Variants in RANBP17 observed in about 807,000 individuals in gnomAD.
RANBP17 encodes RAN binding protein 17.
Under a neutral mutation model 141.2 loss-of-function variants are expected in RANBP17, and 158 were observed. That is an observed-to-expected ratio of 1.12 (90% CI 0.98 to 1.28). The LOEUF is 1.28. Among genes scored for constraint, RANBP17 ranks in the 50% most tolerant of loss-of-function variants. The pLI is 0.00. For missense variants in RANBP17, 1,438 were observed against 1,290.7 expected (o/e 1.11, Z -1.75); for synonymous variants, 430 against 450.0 (o/e 0.96, Z 0.56).
chr5:171,275,990 G>A (rs936222900), intron 25 of RANBP17, among the ~76,000 whole-genome samples: 11 of 152,160 alleles, frequency 7.2e-5, no homozygotes, highest in African/African-American at 2.7e-4. Context: ...CCTTTAGGCC[G>A]GCACCAGAAA....
At chr5:171,115,206 T>A (rs985296759) in intron 14 of RANBP17, among the ~76,000 whole-genome samples, 1 of 152,202 alleles carries the variant, frequency 6.6e-6, no homozygotes, top group Non-Finnish European at 1.5e-5. Flanking sequence ...AATAGCATCT[T>A]TTTTGTTCTT....
intron 25 of RANBP17, among the ~76,000 whole-genome samples, chr5:171,267,914 T>G (rs1766834937): frequency 6.6e-6 from 1 of 152,242 alleles, no homozygotes; most frequent in African/African-American, 2.4e-5. Context: ...TGCTAATATT[T>G]AAATGAAATT....
At chr5:170,887,614 C>T (rs531012638) in intron 3 of RANBP17, among the ~76,000 whole-genome samples, 238 of 152,168 alleles carry the variant, frequency 1.6e-3, no homozygotes, top group Middle Eastern at 3.4e-3. Flanking sequence ...GATCAATTGA[C>T]TGTATTTATA....
chr5:171,114,180 A>T (rs1260428813), intron 14 of RANBP17, among the ~76,000 whole-genome samples: 1 of 152,136 alleles, frequency 6.6e-6, no homozygotes, highest in Non-Finnish European at 1.5e-5. Context: ...CATGTACAAA[A>T]AGTTTGAGAA....
intron 14 of RANBP17, among the ~76,000 whole-genome samples, chr5:171,036,021 T>C (rs903481585): frequency 6.6e-6 from 1 of 152,146 alleles, no homozygotes; most frequent in African/African-American, 2.4e-5. Context: ...GCCTCCCAAG[T>C]AGCTGGGACT....
At chr5:171,255,657 A>G (rs534861161) in intron 24 of RANBP17, among the ~76,000 whole-genome samples, 1 of 152,318 alleles carries the variant, frequency 6.6e-6, no homozygotes, top group South Asian at 2.1e-4. Flanking sequence ...AAAATTCAAT[A>G]TACTTTTAAA....
intron 14 of RANBP17, among the ~76,000 whole-genome samples, chr5:171,104,996 A>G (rs971097696): frequency 5.9e-5 from 9 of 152,208 alleles, no homozygotes; most frequent in African/African-American, 1.7e-4. Flanking sequence ...GGCCTTTATT[A>G]CATATTGTAC....
chr5:171,176,654 G>A (rs1260545768), intron 16 of RANBP17, among the ~76,000 whole-genome samples: 1 of 151,924 alleles, frequency 6.6e-6, no homozygotes, highest in African/African-American at 2.4e-5. Context: ...AATTACATAC[G>A]AATTTTCTGA....
intron 12 of RANBP17, among the ~76,000 whole-genome samples, chr5:170,928,980 T>C (rs1773136150): frequency 1.3e-5 from 2 of 152,110 alleles, no homozygotes; most frequent in Non-Finnish European, 2.9e-5. Context: ...TTGTTTTCAG[T>C]GTACAGTTAG....
At chr5:171,038,590 A>G (rs1407618385) in intron 14 of RANBP17, among the ~76,000 whole-genome samples, 1 of 152,130 alleles carries the variant, frequency 6.6e-6, no homozygotes, top group Non-Finnish European at 1.5e-5. Flanking sequence ...GGTTTGTCAT[A>G]GATGGCTTTT....
intron 14 of RANBP17, among the ~76,000 whole-genome samples, chr5:170,996,105 A>G (rs1265076222): frequency 1.3e-5 from 2 of 152,126 alleles, no homozygotes; most frequent in East Asian, 3.9e-4. Context: ...TAGCCCCTCA[A>G]ATAATTTTAT....
At chr5:171,155,256 G>T (rs1380095097) in intron 14 of RANBP17, among the ~76,000 whole-genome samples, 1 of 151,378 alleles carries the variant, frequency 6.6e-6, no homozygotes, top group Non-Finnish European at 1.5e-5. Context: ...CAGCCAAAAA[G>T]AGGATAATCC....
intron 18 of RANBP17, among the ~76,000 whole-genome samples, chr5:171,185,591 A>G (rs1761181269): frequency 2.0e-5 from 3 of 152,226 alleles, no homozygotes; most frequent in Admixed American, 1.3e-4. Context: ...TTGGTCATCC[A>G]GAAGAAGCAA....
intron 14 of RANBP17, among the ~76,000 whole-genome samples, chr5:171,051,908 C>T (rs188653518): frequency 6.8e-4 from 103 of 152,084 alleles, no homozygotes; most frequent in African/African-American, 2.3e-3. Context: ...TTTTTAGGGT[C>T]GCTTTCTTGT....
At chr5:171,220,946 G>T (rs189942518) in intron 21 of RANBP17, among the ~76,000 whole-genome samples, 35 of 152,088 alleles carry the variant, frequency 2.3e-4, no homozygotes, top group Non-Finnish European at 4.4e-4. Flanking sequence ...TAATACTAAA[G>T]CATTTTTAAA....
intron 12 of RANBP17, among the ~76,000 whole-genome samples, chr5:170,934,664 C>T (rs559711088): frequency 7.4e-4 from 113 of 152,302 alleles, no homozygotes; most frequent in African/African-American, 2.5e-3. Context: ...GAGTTTCTGC[C>T]GAGAGATCTG....
chr5:171,248,158 A>G (rs531991255), intron 24 of RANBP17, among the ~76,000 whole-genome samples: 1 of 152,304 alleles, frequency 6.6e-6, no homozygotes, highest in South Asian at 2.1e-4. Context: ...CGAGGTCAGG[A>G]GATTGAGACC....
chr5:170,998,457 T>C (rs1162957789), intron 14 of RANBP17, among the ~76,000 whole-genome samples: 2 of 152,218 alleles, frequency 1.3e-5, no homozygotes, highest in African/African-American at 4.8e-5. Context: ...ATGATTGTGG[T>C]TAGACTCTAC....
intron 18 of RANBP17, among the ~76,000 whole-genome samples, chr5:171,198,696 T>G (rs1762122076): frequency 6.6e-6 from 1 of 152,224 alleles, no homozygotes; most frequent in Non-Finnish European, 1.5e-5. Flanking sequence ...GACCAAACTT[T>G]GAGGACCTTC....
Sources: gnomAD v4.1 joint callset for allele counts (sites outside exome capture counted in the v4.1 genomes callset) on GRCh38, gnomAD v4.1.1 for gene constraint, MANE v1.5 for transcripts, NCBI Gene and HGNC (gene_info 2026-07-23, HGNC 2026-07-21) for gene names.